ETV6: variants seen among roughly 807,000 people sequenced by gnomAD.
The protein encoded by ETV6 is ETS variant transcription factor 6, also known as transcription factor ETV6.
A neutral mutation model predicts 51.1 loss-of-function variants in ETV6; 16 were observed. The observed-to-expected ratio is 0.31, with a 90% CI of 0.21 to 0.48. The LOEUF is 0.48. Among genes scored for constraint, ETV6 ranks in the 20% least tolerant of loss-of-function variants. The pLI is 0.99. For synonymous variants in ETV6, 240 were observed against 224.1 expected, an observed-to-expected ratio of 1.07 and a Z score of -0.64; for missense variants, 458 against 594.8, an observed-to-expected ratio of 0.77 and a Z score of 2.39.
intron 2 of ETV6, among the ~76,000 whole-genome samples, chr12:11,780,832 G>A: frequency 6.6e-6 from 1 of 152,216 alleles, no homozygotes; most frequent in Non-Finnish European, 1.5e-5. Context: ...AAGTCTAGTA[G>A]ATGATTGTAA....
intron 1 of ETV6, among the ~76,000 whole-genome samples, chr12:11,688,975 G>A (rs1051906190): frequency 2.6e-5 from 4 of 152,098 alleles, no homozygotes; most frequent in African/African-American, 9.7e-5. Context: ...AAATGACATG[G>A]GCTTCTGAAA....
At chr12:11,723,956 G>A (rs937239382) in intron 1 of ETV6, among the ~76,000 whole-genome samples, 3 of 151,598 alleles carry the variant, frequency 2.0e-5, no homozygotes, top group African/African-American at 7.3e-5. Context: ...TCTCGGGGGT[G>A]CCCAGAGGAA....
intron 2 of ETV6, among the ~76,000 whole-genome samples, chr12:11,797,342 T>A (rs142878904): frequency 1.3e-5 from 2 of 152,088 alleles, no homozygotes; most frequent in African/African-American, 4.8e-5. Context: ...TACCAGATAG[T>A]GGGAGGAGGG....
At chr12:11,651,025 C>T (rs146568259) in intron 1 of ETV6, among the ~76,000 whole-genome samples, 3 of 152,318 alleles carry the variant, frequency 2.0e-5, no homozygotes, top group Admixed American at 6.5e-5. Context: ...GACTGTGGTG[C>T]TGCGGTTTGT....
At chr12:11,750,245 A>G (rs1489659637) in intron 1 of ETV6, among the ~76,000 whole-genome samples, 3 of 152,230 alleles carry the variant, frequency 2.0e-5, no homozygotes, top group Non-Finnish European at 4.4e-5. Flanking sequence ...GTCCAAAGCA[A>G]TGATAATTTA....
intron 1 of ETV6, among the ~76,000 whole-genome samples, chr12:11,746,719 A>AG (rs1415814928): frequency 2.0e-5 from 3 of 151,616 alleles, no homozygotes; most frequent in Non-Finnish European, 1.5e-5. Flanking sequence ...AATCATAGGG[A>AG]GAAAAAAAAC....
At chr12:11,881,600 A>G (rs1947094736) in intron 5 of ETV6, among the ~76,000 whole-genome samples, 1 of 152,184 alleles carries the variant, frequency 6.6e-6, no homozygotes, top group Admixed American at 6.5e-5. Flanking sequence ...GCCTCTTTTA[A>G]AAGGGCACTA....
chr12:11,837,215 G>A (rs1946330073), intron 2 of ETV6, among the ~76,000 whole-genome samples: 1 of 152,040 alleles, frequency 6.6e-6, no homozygotes, highest in Admixed American at 6.5e-5. Context: ...AACTTTTAGT[G>A]GCTGTATTTT....
At chr12:11,850,871 G>A (rs147814696) in intron 3 of ETV6, among the ~76,000 whole-genome samples, 2 of 152,288 alleles carry the variant, frequency 1.3e-5, no homozygotes, top group East Asian at 3.9e-4. Context: ...CCTTGTTTGA[G>A]CCACCCCACC....
intron 1 of ETV6, among the ~76,000 whole-genome samples, chr12:11,711,226 A>G (rs1434408530): frequency 6.6e-6 from 1 of 152,090 alleles, no homozygotes; most frequent in Non-Finnish European, 1.5e-5. Context: ...TTTCCCAGCC[A>G]TATTTCTCCA....
intron 4 of ETV6, among the ~76,000 whole-genome samples, chr12:11,855,621 A>G (rs551883051): frequency 2.6e-5 from 4 of 152,140 alleles, no homozygotes; most frequent in Non-Finnish European, 1.5e-5. Context: ...TGTTTTTCCT[A>G]ATTAACACTT....
At chr12:11,709,072 T>TC (rs967548258) in intron 1 of ETV6, among the ~76,000 whole-genome samples, 1 of 151,988 alleles carries the variant, frequency 6.6e-6, no homozygotes, top group African/African-American at 2.4e-5. Flanking sequence ...CTTGATTCGT[T>TC]CCCCACCCCC....
rs1361556811 is a variant in ETV6, at chr12:11,650,487, A to AC, written c.33+327_33+328insC. ...CCCCCGTAATTAGTGCGCTTAAAAA[A>AC]AAAAAAAACAAAAAACAAAAAAAAA... On this transcript the variant is annotated intron_variant, in intron 1 of 7. Transcript: ENST00000396373. Among the ~76,000 whole-genome samples, 11 of 61,176 alleles carry AC rather than the reference A, an allele frequency of 1.8e-4. 1 individual carries two copies. The highest frequency in any genetic ancestry group is 6.1e-4 in the African/African-American group (11 of 18,130). 40.1% of individuals were successfully genotyped at this position (61,176 alleles called of 152,430 possible).
intron 1 of ETV6, among the ~76,000 whole-genome samples, chr12:11,658,160 TC>T: frequency 6.6e-6 from 1 of 152,306 alleles, no homozygotes; most frequent in Non-Finnish European, 1.5e-5. Flanking sequence ...AACACATGGA[TC>T]TGGAAGAGGC....
intron 2 of ETV6, among the ~76,000 whole-genome samples, chr12:11,833,412 G>A (rs2723819): frequency 0.23 from 35,015 of 152,194 alleles, 4,192 homozygotes; most frequent in East Asian, 0.38. Flanking sequence ...ACACAGCTGG[G>A]AAATAGAGGT....
chr12:11,676,193 A>G (rs1286615518), intron 1 of ETV6, among the ~76,000 whole-genome samples: 6 of 152,218 alleles, frequency 3.9e-5, no homozygotes, highest in African/African-American at 7.2e-5. Context: ...AAGCGAGGCA[A>G]CGTGACAGAG....
intron 2 of ETV6, among the ~76,000 whole-genome samples, chr12:11,785,761 A>G (rs1050008403): frequency 1.3e-5 from 2 of 152,134 alleles, no homozygotes; most frequent in Non-Finnish European, 2.9e-5. Flanking sequence ...CATGGAGTTG[A>G]TTTCTTGGCT....
chr12:11,868,530 T>A (rs1020776526), intron 4 of ETV6, among the ~76,000 whole-genome samples: 28 of 150,040 alleles, frequency 1.9e-4, no homozygotes, highest in Non-Finnish European at 3.0e-4. Flanking sequence ...CTCCACCTCC[T>A]GGGTTCAAGC....
At chr12:11,756,396 C>T (rs979812815) in intron 2 of ETV6, among the ~76,000 whole-genome samples, 1 of 152,122 alleles carries the variant, frequency 6.6e-6, no homozygotes, top group Non-Finnish European at 1.5e-5. Flanking sequence ...TCTTCTTCTT[C>T]CTCTTCTTCC....
Sources: gnomAD v4.1 joint callset for allele counts (sites outside exome capture counted in the v4.1 genomes callset) on GRCh38, gnomAD v4.1.1 for gene constraint, MANE v1.5 for transcripts, NCBI Gene and HGNC (gene_info 2026-07-23, HGNC 2026-07-21) for gene names.